LOXHD1: variants seen among roughly 807,000 people sequenced by gnomAD.
LOXHD1 encodes lipoxygenase homology domain-containing protein 1.
In LOXHD1, 205 loss-of-function variants were observed where a neutral mutation model predicts 248.2. The ratio of observed to expected loss-of-function variants is 0.83; its 90% CI spans 0.74 to 0.93. The LOEUF (loss-of-function observed/expected upper bound fraction) is 0.93, where lower values mean the gene tolerates loss of function less well. Among genes scored for constraint, LOXHD1 ranks in the 40% least tolerant of loss-of-function variants. The probability of loss-of-function intolerance (pLI) is 0.00; values close to 1 mark genes in which losing one functional copy is unlikely to be tolerated. For missense variants in LOXHD1, 2,930 were observed against 2,971.6 expected, an observed-to-expected ratio of 0.99 and a Z score of 0.33; for synonymous variants, 1,113 against 1,162.8, an observed-to-expected ratio of 0.96 and a Z score of 0.87.
At chr18:46,568,856 T>A (rs2037694508) in intron 16 of LOXHD1, among the ~76,000 whole-genome samples, 1 of 152,222 alleles carries the variant, frequency 6.6e-6, no homozygotes, top group Non-Finnish European at 1.5e-5. Context: ...TCTTTGCTGC[T>A]TTACTGTTCA....
intron 37 of LOXHD1, among the ~76,000 whole-genome samples, chr18:46,502,798 T>C (rs1568102572): frequency 6.6e-6 from 1 of 152,214 alleles, no homozygotes; most frequent in South Asian, 2.1e-4. Flanking sequence ...TGGGTCATCA[T>C]AGTCTACATG....
At chr18:46,606,035 T>C (rs922657002) in intron 6 of LOXHD1, among the ~76,000 whole-genome samples, 3 of 152,182 alleles carry the variant, frequency 2.0e-5, no homozygotes, top group African/African-American at 7.2e-5. Context: ...ATTCAACTGA[T>C]GTGCTTAAAA....
chr18:46,648,918 A>G (rs2039070220), intron 2 of LOXHD1, among the ~76,000 whole-genome samples: 1 of 152,208 alleles, frequency 6.6e-6, no homozygotes, highest in African/African-American at 2.4e-5. Context: ...GATTCTTGGG[A>G]ATTCTGAGAT....
intron 1 of LOXHD1, among the ~76,000 whole-genome samples, chr18:46,654,605 G>A (rs1223370611): frequency 6.6e-6 from 1 of 152,210 alleles, no homozygotes; most frequent in Non-Finnish European, 1.5e-5. Context: ...GGTAGCCTAA[G>A]AAGAGAGAAG....
In LOXHD1 at chr18:46,563,194, T is replaced by C; in HGVS notation, c.2469A>G (p.Gly823=). ...LVHYEVEIWT[G]DVGGAGTSAR... is the part of the protein sequence containing the mutation. ...CACTGGTGCCTGCGCCACCCACATC[T>C]CCTGTCCAAATCTCAACCTCATAGT... Residue 823 remains glycine, a synonymous_variant, in exon 18 of 41, where the codon GGA becomes GGG. Coordinates refer to ENST00000642948, the MANE Select transcript of LOXHD1 (RefSeq NM_001384474.1). 6.6e-7 allele frequency: 1 copy of C among 1,521,086 alleles called. No homozygotes were observed. Among genetic ancestry groups the C allele is most frequent in the South Asian group, 1.2e-5 (1 of 82,776 alleles). 94.2% of individuals were successfully genotyped at this position (1,521,086 alleles called of 1,614,324 possible).
At chr18:46,655,362 G>T (rs147991943) in intron 1 of LOXHD1, among the ~76,000 whole-genome samples, 4 of 152,134 alleles carry the variant, frequency 2.6e-5, no homozygotes, top group African/African-American at 9.7e-5. Context: ...AAAGGAGAAC[G>T]ATCATTATGG....
chr18:46,579,134 T>C (rs2037913731), intron 13 of LOXHD1, among the ~76,000 whole-genome samples: 1 of 152,216 alleles, frequency 6.6e-6, no homozygotes, highest in African/African-American at 2.4e-5. Flanking sequence ...GGTCATGCCA[T>C]AGGGGAGAAT....
intron 1 of LOXHD1, among the ~76,000 whole-genome samples, chr18:46,652,414 A>T (rs1051015459): frequency 1.3e-5 from 2 of 152,230 alleles, no homozygotes; most frequent in African/African-American, 2.4e-5. Context: ...ACTCAAACAG[A>T]CATACCACAA....
rs2036402973 is a variant in LOXHD1, at chr18:46,538,270, G to A, written c.3981C>T (p.Phe1327=). Residue 1327 remains phenylalanine (F), a synonymous_variant, in exon 26 of 41, where the codon TTC becomes TTT. Transcript: ENST00000642948. ...CGGCATCGCAGCCATAGATGATGAT[G>A]AAGATGTTGGCATCTGTCCCAGCAG... ...VFAAGTDANI[F]IIIYGCDAVC... The A allele has an allele frequency of 6.4e-7, 1 of 1,551,552 alleles. No individual in the cohort carries two copies. The highest frequency in any genetic ancestry group is 8.7e-7 in the Non-Finnish European group (1 of 1,146,836).
intron 25 of LOXHD1, among the ~76,000 whole-genome samples, chr18:46,539,478 T>A (rs1197848083): frequency 2.0e-5 from 3 of 152,066 alleles, no homozygotes; most frequent in South Asian, 4.2e-4. Context: ...AAATGCAGAT[T>A]TGCAAAACCT....
Position 46,594,479 on chromosome 18 carries a change from G to A in LOXHD1, c.1135-13C>T, listed in dbSNP as rs1171811821. 6.4e-7 allele frequency: 1 copy of A among 1,550,954 alleles called. No individual in the cohort carries two copies. Among genetic ancestry groups the A allele is most frequent in the African/African-American group, 1.4e-5 (1 of 73,006 alleles). ...ACAGAATCACCACCTGGGGAGAGTGGAGCACAGTGTCTCCGGCATTGAGTC... is the reference window on the plus strand; with the variant it reads ...ACAGAATCACCACCTGGGGAGAGTGAAGCACAGTGTCTCCGGCATTGAGTC... On this transcript the variant is annotated splice_polypyrimidine_tract_variant and intron_variant, in intron 8 of 40. Coordinates refer to ENST00000642948, the MANE Select transcript of LOXHD1 (RefSeq NM_001384474.1).
chr18:46,639,122 A>G (rs949041535), intron 4 of LOXHD1, among the ~76,000 whole-genome samples: 8 of 152,320 alleles, frequency 5.3e-5, no homozygotes, highest in African/African-American at 1.7e-4. Context: ...GTCACTTGAA[A>G]TAAGTTGTTT....
chr18:46,565,855 C>T (rs1386382811), intron 17 of LOXHD1, among the ~76,000 whole-genome samples: 1 of 152,012 alleles, frequency 6.6e-6, no homozygotes, highest in Non-Finnish European at 1.5e-5. Context: ...CGATGCACAA[C>T]CCATGGATGT....
intron 14 of LOXHD1, among the ~76,000 whole-genome samples, chr18:46,573,189 AGCTGGG>A (rs2037789886): frequency 1.3e-5 from 2 of 152,128 alleles, no homozygotes; most frequent in Admixed American, 1.3e-4. Context: ...TTCCAGGAGA[AGCTGGG>A]GCTGTGCTCT....
At chr18:46,628,362 T>C (rs1448151580) in intron 4 of LOXHD1, among the ~76,000 whole-genome samples, 1 of 152,212 alleles carries the variant, frequency 6.6e-6, no homozygotes, top group East Asian at 1.9e-4. Flanking sequence ...GCTGCAGGGC[T>C]GGCCCAGCCC....
chr18:46,621,639 T>C (rs1369420519), intron 4 of LOXHD1, among the ~76,000 whole-genome samples: 2 of 152,082 alleles, frequency 1.3e-5, no homozygotes, highest in Non-Finnish European at 2.9e-5. Flanking sequence ...AACTCATCAC[T>C]TGGATCTCGT....
rs674948 is a variant in LOXHD1, at chr18:46,601,633, G to A, written c.884-166C>T. 0.76 allele frequency: 669,068 copies of A among 879,422 alleles called. 256,029 individuals carry two copies. The highest frequency in any genetic ancestry group is 0.89 in the African/African-American group (53,572 of 60,200). 54.5% of individuals were successfully genotyped at this position (879,422 alleles called of 1,614,324 possible). A position where few individuals can be genotyped will look rare whatever the true frequency, so the allele number is the denominator to read the frequency against. On this transcript the variant is annotated intron_variant, in intron 7 of 40. Transcript: ENST00000642948. The stretch of plus-strand genomic sequence containing the variant: ...CCAGATGCCACCTAATGTCCCTCTC[G>A]ACCTCATTTCATCTTTTCCAGAGTT...
intron 26 of LOXHD1, among the ~76,000 whole-genome samples, chr18:46,536,944 G>T (rs2036339282): frequency 6.6e-6 from 1 of 152,154 alleles, no homozygotes; most frequent in African/African-American, 2.4e-5. Context: ...AGGGTCTCCT[G>T]CGCTTCCCCT....
chr18:46,503,123 A>G (rs866523422), intron 37 of LOXHD1, among the ~76,000 whole-genome samples: 4 of 152,206 alleles, frequency 2.6e-5, no homozygotes, highest in Admixed American at 2.0e-4. Context: ...CATGATTCCT[A>G]TCCTCAAAGG....
Sources: allele counts gnomAD v4.1 joint callset (sites outside exome capture counted in the v4.1 genomes callset), GRCh38; gene constraint gnomAD v4.1.1; transcripts MANE v1.5; gene names NCBI Gene and HGNC (gene_info 2026-07-23, HGNC 2026-07-21).